The following PDE4B variants were observed in gnomAD, a reference collection of about 807,000 sequenced individuals.
PDE4B encodes the protein 3',5'-cyclic-AMP phosphodiesterase 4B.
Under a neutral mutation model 82.2 loss-of-function variants are expected in PDE4B, and 20 were observed. The observed-to-expected ratio is 0.24, with a 90% CI of 0.17 to 0.35. The LOEUF (loss-of-function observed/expected upper bound fraction) is 0.35. PDE4B is among the 10% of genes least tolerant of loss of function. The pLI is 1.00. For synonymous variants in PDE4B, 320 were observed against 318.9 expected (o/e 1.00, Z -0.04); for missense variants, 655 against 907.2 (o/e 0.72, Z 3.57).
At chr1:65,856,083 A>G (rs1646389194) in intron 1 of PDE4B, among the ~76,000 whole-genome samples, 1 of 152,172 alleles carries the variant, frequency 6.6e-6, no homozygotes, top group African/African-American at 2.4e-5. Flanking sequence ...TGACCAAAAT[A>G]TGCCTATCTA....
At chr1:66,266,990 G>A (rs1655098148) in intron 7 of PDE4B, 1 of 194,134 alleles carries the variant, frequency 5.2e-6, no homozygotes, top group Non-Finnish European at 1.1e-5. Flanking sequence ...TTCTCTCTTG[G>A]TTGTTGTGTT....
intron 3 of PDE4B, among the ~76,000 whole-genome samples, chr1:66,129,386 G>A (rs1392277035): frequency 6.6e-6 from 1 of 151,962 alleles, no homozygotes; most frequent in African/African-American, 2.4e-5. Flanking sequence ...GGCCGGGCGC[G>A]GTGGCTCACG....
At chr1:66,225,286 G>A (rs1344774674) in intron 3 of PDE4B, among the ~76,000 whole-genome samples, 1 of 152,104 alleles carries the variant, frequency 6.6e-6, no homozygotes, top group Non-Finnish European at 1.5e-5. Flanking sequence ...CTTCAGCCAG[G>A]CTTGGGTCTG....
intron 3 of PDE4B, among the ~76,000 whole-genome samples, chr1:65,936,817 G>A (rs1648172657): frequency 6.6e-6 from 1 of 152,192 alleles, no homozygotes; most frequent in Admixed American, 6.5e-5. Flanking sequence ...CCAAAGGCAG[G>A]CATGTTCTAA....
chr1:66,361,787 G>A lies in PDE4B; in HGVS notation c.1014G>A (p.Leu338=), dbSNP rs766039401. 7.4e-6 allele frequency: 12 copies of A among 1,610,874 alleles called. No homozygotes were observed. Among genetic ancestry groups the A allele is most frequent in the Non-Finnish European group, 9.3e-6 (11 of 1,177,972 alleles). The change falls in exon 10 of 17, where the codon CTG becomes CTA. Residue 338 remains leucine (L), a synonymous_variant. Transcript: ENST00000341517. Reference sequence around the variant, plus strand: ...TCAACACTGAAAATGAAGATCACCTGGCCAAGGTGTGTATAAGCTCAGGTT... The same window carrying A: ...TCAACACTGAAAATGAAGATCACCTAGCCAAGGTGTGTATAAGCTCAGGTT... ...FGVNTENEDH[L]AKELEDLNKW...
At chr1:66,303,594 A>C (rs1658062935) in intron 7 of PDE4B, among the ~76,000 whole-genome samples, 1 of 152,110 alleles carries the variant, frequency 6.6e-6, no homozygotes, top group African/African-American at 2.4e-5. Context: ...AAGCCATCCA[A>C]GACAGTACCA....
intron 3 of PDE4B, among the ~76,000 whole-genome samples, chr1:65,998,061 A>T (rs778377199): frequency 6.6e-5 from 10 of 152,198 alleles, no homozygotes; most frequent in Non-Finnish European, 1.2e-4. Context: ...TAACAATAAT[A>T]GCTCTAATAT....
chr1:66,060,570 A>G (rs930360493), intron 3 of PDE4B, among the ~76,000 whole-genome samples: 17 of 152,196 alleles, frequency 1.1e-4, no homozygotes, highest in Non-Finnish European at 2.2e-4. Flanking sequence ...ATCATAACAC[A>G]CTTTGTATTG....
At chr1:65,905,839 T>C (rs1205107510) in intron 1 of PDE4B, among the ~76,000 whole-genome samples, 1 of 152,124 alleles carries the variant, frequency 6.6e-6, no homozygotes, top group African/African-American at 2.4e-5. Flanking sequence ...GTGTTCAGTA[T>C]TGTAGGATGA....
In PDE4B at chr1:66,221,712, T is replaced by A. The variant is rs1192820241; in HGVS notation, c.282-25748T>A. 2.6e-5 allele frequency among the ~76,000 whole-genome samples: 4 copies of A among 152,180 alleles called. No homozygotes were observed. In the East Asian group the frequency reaches 7.7e-4, roughly 29 times the overall value. On this transcript the variant is annotated intron_variant, in intron 3 of 16. Coordinates refer to ENST00000341517, the MANE Select transcript of PDE4B (RefSeq NM_002600.4). Reference sequence around the variant, plus strand: ...TTTGGGGCTTTGATACACAAACAGATAAGATCATTGAGGAACTTCAGTTCC... The same window carrying A: ...TTTGGGGCTTTGATACACAAACAGAAAAGATCATTGAGGAACTTCAGTTCC...
At chr1:66,143,205 AG>A (rs1473046981) in intron 3 of PDE4B, among the ~76,000 whole-genome samples, 2 of 152,216 alleles carry the variant, frequency 1.3e-5, no homozygotes, top group South Asian at 4.1e-4. Flanking sequence ...CTTTGTTTCT[AG>A]TGAGAGAAAC....
At chr1:66,109,937 C>G (rs1379101842) in intron 3 of PDE4B, among the ~76,000 whole-genome samples, 1 of 151,896 alleles carries the variant, frequency 6.6e-6, no homozygotes, top group Non-Finnish European at 1.5e-5. Flanking sequence ...CCATAGGTGA[C>G]TCAGTTCATT....
intron 16 of PDE4B, among the ~76,000 whole-genome samples, chr1:66,369,773 A>G (rs775937487): frequency 6.6e-6 from 1 of 152,192 alleles, no homozygotes; most frequent in Non-Finnish European, 1.5e-5. Flanking sequence ...AAATTTGCAT[A>G]TACTTGTAAT....
At chr1:65,839,576 G>T (rs138380425) in intron 1 of PDE4B, among the ~76,000 whole-genome samples, 1 of 151,988 alleles carries the variant, frequency 6.6e-6, no homozygotes, top group Non-Finnish European at 1.5e-5. Flanking sequence ...AGTTTCATCC[G>T]TGTCCCTGCA....
intron 8 of PDE4B, among the ~76,000 whole-genome samples, chr1:66,347,175 T>C (rs929071593): frequency 6.6e-6 from 1 of 152,146 alleles, no homozygotes; most frequent in Non-Finnish European, 1.5e-5. Flanking sequence ...CTATAAACCT[T>C]CCGTGAACCT....
intron 3 of PDE4B, among the ~76,000 whole-genome samples, chr1:66,093,463 C>A (rs1226746538): frequency 6.6e-6 from 1 of 151,876 alleles, no homozygotes; most frequent in East Asian, 1.9e-4. Flanking sequence ...TTCTTGAGTT[C>A]TAAAATTGTG....
intron 3 of PDE4B, among the ~76,000 whole-genome samples, chr1:66,019,413 T>C (rs1652966794): frequency 7.0e-6 from 1 of 143,572 alleles, no homozygotes; most frequent in Non-Finnish European, 1.5e-5. Context: ...TGGAGTGCAG[T>C]GATGTGATCT....
chr1:65,853,793 G>A lies in PDE4B; in HGVS notation c.-70-59452G>A, dbSNP rs180917066. Among the ~76,000 whole-genome samples, 625 of 152,226 alleles carry A rather than the reference G, an allele frequency of 4.1e-3. 3 individuals carry two copies. Among genetic ancestry groups the A allele is most frequent in the African/African-American group, 0.014 (574 of 41,538 alleles). On this transcript the variant is annotated intron_variant, in intron 1 of 16. Coordinates refer to ENST00000341517, the MANE Select transcript of PDE4B (RefSeq NM_002600.4). Reference sequence around the variant, plus strand: ...TCCGCCCACCTCAGCCTCCCAAAGCGCTAGGATTACAGGCATGAGCCACCG... The same window carrying A: ...TCCGCCCACCTCAGCCTCCCAAAGCACTAGGATTACAGGCATGAGCCACCG...
At chr1:65,864,812 G>C (rs1280489087) in intron 1 of PDE4B, among the ~76,000 whole-genome samples, 1 of 152,166 alleles carries the variant, frequency 6.6e-6, no homozygotes, top group Admixed American at 6.5e-5. Context: ...CCCCTGTTGG[G>C]AGGTCTCTCC....
Sources: allele counts gnomAD v4.1 joint callset (sites outside exome capture counted in the v4.1 genomes callset), GRCh38; gene constraint gnomAD v4.1.1; transcripts MANE v1.5; gene names NCBI Gene and HGNC (gene_info 2026-07-23, HGNC 2026-07-21).